Variants in SLC44A5 observed in about 807,000 individuals in gnomAD.
SLC44A5 encodes choline transporter-like protein 5.
A neutral mutation model predicts 101.8 loss-of-function variants in SLC44A5; 57 were observed. That is an observed-to-expected ratio of 0.56 (90% CI 0.45 to 0.70). SLC44A5 has a LOEUF of 0.70. SLC44A5 is among the 30% of genes least tolerant of loss of function. The pLI, the probability that SLC44A5 is intolerant of heterozygous loss-of-function variation, is 0.00. For missense variants in SLC44A5, 737 were observed against 853.1 expected (o/e 0.86, Z 1.70); for synonymous variants, 281 against 290.9 (o/e 0.97, Z 0.35).
rs185069848 is a variant in SLC44A5, at chr1:75,600,454, G to A, written c.-70+10586C>T. 4.3e-3 allele frequency among the ~76,000 whole-genome samples: 658 copies of A among 152,168 alleles called. 5 individuals are homozygous for A. Among genetic ancestry groups the A allele is most frequent in the African/African-American group, 0.015 (632 of 41,542 alleles). ...TAAATATTAACTCTGTAAATCATTA[G>A]TTTTATAATTTTGAGCAGGTTGTTT... On this transcript the variant is annotated intron_variant, in intron 1 of 23. Transcript: ENST00000370859.
intron 1 of SLC44A5, among the ~76,000 whole-genome samples, chr1:75,549,373 C>A (rs1178207514): frequency 6.6e-6 from 1 of 152,132 alleles, no homozygotes; most frequent in Non-Finnish European, 1.5e-5. Flanking sequence ...TTTAATGATG[C>A]AGCTGCCTAC....
At chr1:75,384,781 T>A (rs1333844661) in intron 3 of SLC44A5, among the ~76,000 whole-genome samples, 1 of 144,532 alleles carries the variant, frequency 6.9e-6, no homozygotes, top group Non-Finnish European at 1.5e-5. Flanking sequence ...ACCACACCTA[T>A]TCCAAAATTG....
chr1:75,710,988 T>C, the SLC44A5 span, among the ~76,000 whole-genome samples: 1 of 152,202 alleles, frequency 6.6e-6, no homozygotes, highest in Non-Finnish European at 1.5e-5. Context: ...CTGTTCCTAG[T>C]TTCTGTTTCT....
At chr1:75,330,151 G>GTATATGCATATATACGTA (rs1656926622) in intron 4 of SLC44A5, among the ~76,000 whole-genome samples, 1 of 117,788 alleles carries the variant, frequency 8.5e-6, no homozygotes, top group Non-Finnish European at 1.7e-5. Context: ...ATGCATATAC[G>GTATATGCATATATACGTA]TATATGCATA....
chr1:75,305,926 C>G (rs1240024469), intron 4 of SLC44A5, among the ~76,000 whole-genome samples: 1 of 152,212 alleles, frequency 6.6e-6, no homozygotes, highest in Non-Finnish European at 1.5e-5. Context: ...TATATTTAAT[C>G]TATTATAGCC....
chr1:75,331,316 T>C (rs1429302079), intron 4 of SLC44A5, among the ~76,000 whole-genome samples: 1 of 152,140 alleles, frequency 6.6e-6, no homozygotes, highest in Non-Finnish European at 1.5e-5. Flanking sequence ...TCTCTAATCT[T>C]TTCATCTGTA....
At chr1:75,526,426 G>T (rs1557874505) in intron 2 of SLC44A5, among the ~76,000 whole-genome samples, 1 of 152,172 alleles carries the variant, frequency 6.6e-6, no homozygotes, top group African/African-American at 2.4e-5. Flanking sequence ...CCGGTTCCAG[G>T]CCAAGACAGC....
intron 3 of SLC44A5, among the ~76,000 whole-genome samples, chr1:75,370,778 G>A (rs1487097347): frequency 2.0e-5 from 3 of 152,156 alleles, no homozygotes; most frequent in Non-Finnish European, 4.4e-5. Flanking sequence ...AGAGTCAGGG[G>A]TGTCAGAGAG....
chr1:75,438,573 C>T (rs541319380), intron 2 of SLC44A5, among the ~76,000 whole-genome samples: 2 of 152,116 alleles, frequency 1.3e-5, no homozygotes, highest in South Asian at 4.2e-4. Flanking sequence ...AATTGCTGAC[C>T]TCATCACAAC....
chr1:75,600,880 C>G (rs765737513), intron 1 of SLC44A5, among the ~76,000 whole-genome samples: 4 of 152,042 alleles, frequency 2.6e-5, no homozygotes, highest in Non-Finnish European at 5.9e-5. Flanking sequence ...GTTTGCATGA[C>G]AAAATTACCT....
intron 2 of SLC44A5, among the ~76,000 whole-genome samples, chr1:75,499,461 A>G (rs1302530951): frequency 4.6e-5 from 7 of 152,346 alleles, no homozygotes; most frequent in African/African-American, 1.2e-4. Flanking sequence ...TGTGTGGCCC[A>G]GTTTCTAACA....
chr1:75,368,053 A>G lies in SLC44A5; in HGVS notation c.53-28423T>C, dbSNP rs115604587. 4.9e-4 allele frequency among the ~76,000 whole-genome samples: 74 copies of G among 152,332 alleles called. 1 individual carries two copies. Among genetic ancestry groups the G allele is most frequent in the African/African-American group, 1.6e-3 (66 of 41,566 alleles). The stretch of plus-strand genomic sequence containing the variant: ...GTTTCTAAACATTTAACAAATAGCT[A>G]ATGATTTTTTGTCAATATTTATTGA... On this transcript the variant is annotated intron_variant, in intron 3 of 23. Transcript: ENST00000370859.
the SLC44A5 span, chr1:75,642,110 T>A: frequency 8.9e-7 from 1 of 1,127,660 alleles, no homozygotes; most frequent in Admixed American, 2.2e-5. Flanking sequence ...TTGATGTAGA[T>A]ATAATTGAAG....
chr1:75,550,936 T>C (rs1439500971), intron 1 of SLC44A5, among the ~76,000 whole-genome samples: 1 of 152,154 alleles, frequency 6.6e-6, no homozygotes, highest in African/African-American at 2.4e-5. Flanking sequence ...TTTCTAAACT[T>C]CACTTTTCTC....
intron 2 of SLC44A5, among the ~76,000 whole-genome samples, chr1:75,518,842 G>C (rs931254618): frequency 6.6e-6 from 1 of 152,184 alleles, no homozygotes; most frequent in African/African-American, 2.4e-5. Context: ...CTAGGGCTGG[G>C]GGCTGGGTGT....
At chr1:75,387,534 T>G (rs1211035763) in intron 3 of SLC44A5, among the ~76,000 whole-genome samples, 1 of 61,604 alleles carries the variant, frequency 1.6e-5, no homozygotes, top group African/African-American at 6.4e-5. Flanking sequence ...CCAGTTAGAA[T>G]GGCAATCATT....
intron 1 of SLC44A5, among the ~76,000 whole-genome samples, chr1:75,592,111 G>C (rs12239345): frequency 0.1 from 15,348 of 152,016 alleles, 1,314 homozygotes; most frequent in African/African-American, 0.24. Flanking sequence ...CAGATGATAT[G>C]ATCTTATATT....
chr1:75,528,330 G>A (rs1201223182), intron 2 of SLC44A5, among the ~76,000 whole-genome samples: 1 of 151,974 alleles, frequency 6.6e-6, no homozygotes, highest in Non-Finnish European at 1.5e-5. Flanking sequence ...TATTCAGGAA[G>A]CAAAAAATAT....
intron 2 of SLC44A5, among the ~76,000 whole-genome samples, chr1:75,458,088 A>T (rs564461016): frequency 2.6e-5 from 4 of 152,372 alleles, no homozygotes; most frequent in Non-Finnish European, 5.9e-5. Flanking sequence ...AGTGAATGAC[A>T]CTAACTTACC....
Sources: gnomAD v4.1 joint callset for allele counts (sites outside exome capture counted in the v4.1 genomes callset) on GRCh38, gnomAD v4.1.1 for gene constraint, MANE v1.5 for transcripts, NCBI Gene and HGNC (gene_info 2026-07-23, HGNC 2026-07-21) for gene names.